Variants in MYBBP1A observed in about 807,000 individuals in gnomAD.
MYBBP1A encodes the protein MYB binding protein 1a.
In MYBBP1A, 147 loss-of-function variants were observed where a neutral mutation model predicts 136.3. The ratio of observed to expected loss-of-function variants is 1.08; its 90% CI spans 0.94 to 1.24. MYBBP1A has a LOEUF of 1.24. Among genes scored for constraint, MYBBP1A ranks in the 50% most tolerant of loss-of-function variants. The pLI, the probability that MYBBP1A is intolerant of heterozygous loss-of-function variation, is 0.00. For synonymous variants in MYBBP1A, 947 were observed against 735.8 expected (o/e 1.29, Z -4.65); for missense variants, 2,060 against 1,727.4 (o/e 1.19, Z -3.41).
intron 9 of MYBBP1A, among the ~76,000 whole-genome samples, chr17:4,549,786 A>C (rs1232080138): frequency 4.9e-4 from 2 of 4,074 alleles, no homozygotes; most frequent in Non-Finnish European, 3.8e-3. Context: ...AGACTCTGTC[A>C]AAAAAAAAAA....
intron 1 of MYBBP1A, 65 bp from the exon 2 acceptor site, chr17:4,555,021 G>A: frequency 1.9e-6 from 3 of 1,596,714 alleles, no homozygotes; most frequent in Non-Finnish European, 2.6e-6. Flanking sequence ...CGCGCACCCT[G>A]GCATCCAGGT....
intron 5 of MYBBP1A, among the ~76,000 whole-genome samples, chr17:4,553,558 A>G (rs551673787): frequency 3.9e-4 from 60 of 152,246 alleles, no homozygotes; most frequent in Middle Eastern, 3.2e-3. Context: ...AGAGTGTAAG[A>G]TATCTCAACA....
At chr17:4,551,157 C>A (rs186413097) in intron 8 of MYBBP1A, among the ~76,000 whole-genome samples, 29 of 151,748 alleles carry the variant, frequency 1.9e-4, no homozygotes, top group Admixed American at 1.4e-3. Flanking sequence ...AGCTCTTAAC[C>A]ACTGCCTGAT....
chr17:4,547,305 T>C (rs1245416577), intron 13 of MYBBP1A, among the ~76,000 whole-genome samples: 1 of 152,160 alleles, frequency 6.6e-6, no homozygotes, highest in Non-Finnish European at 1.5e-5. Context: ...AGGCTCCACA[T>C]GTGTCCTGGA....
Position 4,554,971 on chromosome 17 carries a change from A to G in MYBBP1A, c.199-15T>C. The G allele has an allele frequency of 6.2e-7, 1 of 1,613,020 alleles. No homozygotes were observed. The highest frequency in any genetic ancestry group is 8.5e-7 in the Non-Finnish European group (1 of 1,179,778). ...ATCTCGGACCCCTGCGGAACCAAGC[A>G]CACCCTCGTGTTCAATGGTGACAAC... On this transcript the variant is annotated splice_polypyrimidine_tract_variant and intron_variant, in intron 1 of 25. Transcript: ENST00000254718.
intron 2 of MYBBP1A, among the ~76,000 whole-genome samples, chr17:4,554,504 A>G (rs1446083642): frequency 6.6e-6 from 1 of 152,126 alleles, no homozygotes; most frequent in Non-Finnish European, 1.5e-5. Context: ...CTGATCCTGC[A>G]GGCCTGGGTC....
Position 4,552,425 on chromosome 17 carries a change from G to A in MYBBP1A, c.737+26C>T. 1 of 1,609,606 alleles carries A rather than the reference G, an allele frequency of 6.2e-7. No individual in the cohort carries two copies. The highest frequency in any genetic ancestry group is 8.5e-7 in the Non-Finnish European group (1 of 1,178,728). On this transcript the variant is annotated intron_variant, in intron 6 of 25. Coordinates refer to ENST00000254718, the MANE Select transcript of MYBBP1A (RefSeq NM_014520.4). The surrounding 1 kb of genome is among the most constrained non-coding windows in gnomAD (Gnocchi z 4.7). ...GATGCAGTCCCTTGGCCCCAGGGAG[G>A]GCAAATCCGCCCACCTCCATCACAC...
intron 8 of MYBBP1A, among the ~76,000 whole-genome samples, chr17:4,550,917 G>A (rs541758045): frequency 7.9e-5 from 12 of 152,372 alleles, no homozygotes; most frequent in African/African-American, 2.9e-4. Flanking sequence ...TGAGTACAGT[G>A]AGACACAAAA....
Position 4,539,011 on chromosome 17 carries a change from T to C in MYBBP1A, c.*404A>G, listed in dbSNP as rs754004499. On this transcript the variant is annotated 3_prime_UTR_variant, in exon 26 of 26. Coordinates refer to ENST00000254718, the MANE Select transcript of MYBBP1A (RefSeq NM_014520.4). Reference sequence around the variant, plus strand: ...AAGCCAAATATATTCCTCTTGTAAATGAAGAAATAAACCTATTTAAATCAC... The same window carrying C: ...AAGCCAAATATATTCCTCTTGTAAACGAAGAAATAAACCTATTTAAATCAC... The C allele has an allele frequency of 3.7e-6, 3 of 819,452 alleles. No homozygotes were observed. The highest frequency in any genetic ancestry group is 3.4e-5 in the Admixed American group (2 of 58,882). The allele number at this position is 819,452 out of a possible 1,614,324, so 50.8% of individuals were successfully genotyped here. A position where few individuals can be genotyped will look rare whatever the true frequency, so the allele number is the denominator to read the frequency against.
rs764460684 is a variant in MYBBP1A at position 4,554,329 on chromosome 17, C to T, written c.295-51G>A. The T allele has an allele frequency of 2.0e-6, 3 of 1,527,624 alleles. No homozygotes were observed. The Admixed American group carries it at 5.1e-5, about 26-fold the overall frequency. 94.6% of individuals were successfully genotyped at this position (1,527,624 alleles called of 1,614,324 possible). A position where few individuals can be genotyped will look rare whatever the true frequency, so the allele number is the denominator to read the frequency against. On this transcript the variant is annotated intron_variant, in intron 2 of 25. Coordinates refer to ENST00000254718, the MANE Select transcript of MYBBP1A (RefSeq NM_014520.4). ...AAGAGGGTTCAGGAGAGTGGCCCAA[C>T]TACGTCTTCACAAACCTTAACCTCC... is the stretch of plus-strand genomic sequence containing the variant.
chr17:4,553,756 T>C, intron 5 of MYBBP1A, 54 bp downstream of exon 5: 1 of 1,388,480 alleles, frequency 7.2e-7, no homozygotes, highest in Non-Finnish European at 1.0e-6. Context: ...CGAGCCCCCT[T>C]GATGTCTCTG....
chr17:4,554,350 CCT>C, intron 2 of MYBBP1A, 72 bp from the exon 3 acceptor site: 1 of 1,328,188 alleles, frequency 7.5e-7, no homozygotes, highest in Non-Finnish European at 1.1e-6. Context: ...CAAACCTTAA[CCT>C]CCCTTCCCCC....
rs980294926 is a variant in MYBBP1A at position 4,548,061 on chromosome 17, C to T, written c.1725-4G>A. On this transcript the variant is annotated splice_polypyrimidine_tract_variant and splice_region_variant and intron_variant, in intron 12 of 25. Coordinates refer to ENST00000254718, the MANE Select transcript of MYBBP1A (RefSeq NM_014520.4). The surrounding 1 kb of genome is among the most constrained non-coding windows in gnomAD (Gnocchi z 4.2). ...CTCCTTCAGAGTCTGCAGCATCCTG[C>T]GGGGAGACAGGCGATTCCCAGGCCC... is the stretch of plus-strand genomic sequence containing the variant. 1.3e-5 allele frequency: 21 copies of T among 1,581,078 alleles called. No homozygotes were observed. Among genetic ancestry groups the T allele is most frequent in the Admixed American group, 7.0e-5 (4 of 57,230 alleles).
At chr17:4,551,759 C>T (rs998563020) in intron 8 of MYBBP1A, 121 bp downstream of exon 8, 3 of 842,328 alleles carry the variant, frequency 3.6e-6, no homozygotes, top group Non-Finnish European at 5.9e-6. Context: ...GCTCACTACC[C>T]AGACGGAGGG....
chr17:4,555,294 A>C lies in MYBBP1A; in HGVS notation c.31T>G (p.Ser11Ala). The C allele has an allele frequency of 6.2e-7, 1 of 1,608,318 alleles. No individual in the cohort carries two copies. The highest frequency in any genetic ancestry group is 1.1e-5 in the South Asian group (1 of 90,220). Residue 11 changes from serine to alanine, a missense_variant, in exon 1 of 26, where the codon TCG (serine) becomes GCG (alanine). By Grantham distance (99) the Ser-to-Ala change is moderately conservative. Transcript: ENST00000254718. MESRDPAQPM[S>A]PGEATQSGAR... ...CCACTCTGCGTCGCTTCTCCAGGCG[A>C]CATCGGCTGGGCGGGATCCCGGCTC... is the stretch of plus-strand genomic sequence containing the variant.
rs1220952049 is a variant in MYBBP1A at position 4,550,186 on chromosome 17, G to A, written c.1191C>T (p.Phe397=). 1 of 1,613,922 alleles carries A rather than the reference G, an allele frequency of 6.2e-7. No homozygotes were observed. The highest frequency in any genetic ancestry group is 8.5e-7 in the Non-Finnish European group (1 of 1,180,044). ...VTPTFWRVVR[F]LSPPALQGYV... ...AGCCCTGCAGGGCCGGAGGGCTCAGGAACCGCACGACCCGCCAGAAAGTAG... is the reference window on the plus strand; with the variant it reads ...AGCCCTGCAGGGCCGGAGGGCTCAGAAACCGCACGACCCGCCAGAAAGTAG... The change falls in exon 9 of 26, where the codon TTC becomes TTT. Residue 397 remains phenylalanine, a synonymous_variant. Coordinates refer to ENST00000254718, the MANE Select transcript of MYBBP1A (RefSeq NM_014520.4).
At position 4,540,466 on chromosome 17, in the gene MYBBP1A, T is replaced by C. The variant is rs1478132470; in HGVS notation, c.3316A>G (p.Thr1106Ala). The C allele has an allele frequency of 6.2e-7, 1 of 1,610,170 alleles. No individual in the cohort carries two copies. Among genetic ancestry groups the C allele is most frequent in the Admixed American group, 1.7e-5 (1 of 59,898 alleles). ...CKHEKLTLDLTVLLGVLQGQQ... is the reference protein window; with the variant it reads ...CKHEKLTLDLAVLLGVLQGQQ... ...CCCTGCAGCACACCCAGGAGCACCG[T>C]CAGGTCCAAGGTCAGCTTCTGCAGA... The change falls in exon 25 of 26, where the codon ACG (threonine) becomes GCG (alanine). Residue 1106 changes from threonine to alanine, a missense_variant. Transcript: ENST00000254718.
At position 4,552,953 on chromosome 17, in the gene MYBBP1A, G is replaced by A. The variant is rs188069054; in HGVS notation, c.562-327C>T. Reference sequence around the variant, plus strand: ...GGTTGAAGCAATTCTCCTGCCTCAGGTGGGATTAAAGGTGTGCGCCATCAC... The same window carrying A: ...GGTTGAAGCAATTCTCCTGCCTCAGATGGGATTAAAGGTGTGCGCCATCAC... On this transcript the variant is annotated intron_variant, in intron 5 of 25. Transcript: ENST00000254718. The surrounding 1 kb of genome is among the most constrained non-coding windows in gnomAD (Gnocchi z 4.7). Among the ~76,000 whole-genome samples, 1 of 151,712 alleles carries A rather than the reference G, an allele frequency of 6.6e-6. No individual in the cohort carries two copies. Among genetic ancestry groups the A allele is most frequent in the Non-Finnish European group, 1.5e-5 (1 of 67,894 alleles).
At chr17:4,551,336 G>A (rs755112184) in intron 8 of MYBBP1A, among the ~76,000 whole-genome samples, 7 of 152,264 alleles carry the variant, frequency 4.6e-5, no homozygotes, top group African/African-American at 9.6e-5. Flanking sequence ...GGGCGGGGGC[G>A]GAGAGAGGTC....
Sources: allele counts gnomAD v4.1 joint callset (sites outside exome capture counted in the v4.1 genomes callset), GRCh38; gene constraint gnomAD v4.1.1; non-coding constraint Gnocchi (gnomAD v3.1); transcripts MANE v1.5; gene names NCBI Gene and HGNC (gene_info 2026-07-23, HGNC 2026-07-21).